L3MBTL4: variants seen among roughly 807,000 people sequenced by gnomAD.
L3MBTL4 encodes the protein L3MBTL histone methyl-lysine binding protein 4.
A neutral mutation model predicts 84.5 loss-of-function variants in L3MBTL4; 70 were observed. The ratio of observed to expected loss-of-function variants is 0.83; its 90% CI spans 0.68 to 1.01. L3MBTL4 has a LOEUF of 1.01. L3MBTL4 is among the 50% of genes least tolerant of loss of function. The pLI is 0.00. For missense variants in L3MBTL4, 715 were observed against 754.8 expected, an observed-to-expected ratio of 0.95 and a Z score of 0.62; for synonymous variants, 274 against 259.8, an observed-to-expected ratio of 1.05 and a Z score of -0.52.
At chr18:6,298,806 G>A (rs964028626) in intron 4 of L3MBTL4, among the ~76,000 whole-genome samples, 9 of 152,016 alleles carry the variant, frequency 5.9e-5, no homozygotes, top group South Asian at 2.1e-4. Flanking sequence ...CCCGGGAGGC[G>A]GAGGTTGCAG....
intron 16 of L3MBTL4, among the ~76,000 whole-genome samples, chr18:5,994,920 A>G (rs2145190458): frequency 6.6e-6 from 1 of 152,378 alleles, no homozygotes; most frequent in East Asian, 1.9e-4. Context: ...CAAATGTTCT[A>G]CAATTATTCA....
intron 13 of L3MBTL4, among the ~76,000 whole-genome samples, chr18:6,156,312 G>A (rs11873509): frequency 0.01 from 1,571 of 152,138 alleles, 25 homozygotes; most frequent in African/African-American, 0.037. Context: ...ATTTCCCATA[G>A]GACTTTGCAA....
intron 13 of L3MBTL4, among the ~76,000 whole-genome samples, chr18:6,165,942 C>T (rs565026669): frequency 1.0e-3 from 157 of 151,948 alleles, no homozygotes; most frequent in Non-Finnish European, 1.9e-3. Flanking sequence ...ACCCATCTCA[C>T]GTGCAGAGAC....
At chr18:6,139,358 C>T (rs1359794786) in intron 13 of L3MBTL4, among the ~76,000 whole-genome samples, 2 of 152,078 alleles carry the variant, frequency 1.3e-5, no homozygotes, top group African/African-American at 2.4e-5. Context: ...TACTGCATTG[C>T]AATGCACTGT....
intron 4 of L3MBTL4, among the ~76,000 whole-genome samples, chr18:6,270,220 A>T (rs1294003372): frequency 1.3e-5 from 2 of 152,232 alleles, no homozygotes; most frequent in Non-Finnish European, 2.9e-5. Flanking sequence ...CCACAGCTGC[A>T]GACTCACATT....
intron 14 of L3MBTL4, among the ~76,000 whole-genome samples, chr18:6,100,375 T>C (rs1254962460): frequency 6.6e-6 from 1 of 152,240 alleles, no homozygotes; most frequent in Non-Finnish European, 1.5e-5. Context: ...TCCATTTCTT[T>C]GGTAAGACTT....
At chr18:6,167,490 G>A (rs1284191606) in intron 13 of L3MBTL4, among the ~76,000 whole-genome samples, 1 of 152,014 alleles carries the variant, frequency 6.6e-6, no homozygotes, top group Non-Finnish European at 1.5e-5. Flanking sequence ...TGATCAAATG[G>A]GCTTCATCCC....
chr18:6,124,194 G>A (rs368054062), intron 14 of L3MBTL4, among the ~76,000 whole-genome samples: 16 of 152,190 alleles, frequency 1.1e-4, no homozygotes, highest in South Asian at 1.0e-3. Context: ...AATGATGAGA[G>A]AAAAGATGGA....
chr18:6,287,646 A>C (rs2049656783), intron 4 of L3MBTL4, among the ~76,000 whole-genome samples: 1 of 152,218 alleles, frequency 6.6e-6, no homozygotes, highest in Non-Finnish European at 1.5e-5. Flanking sequence ...CTTATCTTCA[A>C]GGACAAAGAG....
intron 15 of L3MBTL4, among the ~76,000 whole-genome samples, chr18:6,090,673 G>A (rs664639): frequency 6.8e-6 from 1 of 147,508 alleles, no homozygotes. Flanking sequence ...TGTCACCTAA[G>A]CTAGAATGCA....
At chr18:6,125,777 A>G (rs1285019285) in intron 14 of L3MBTL4, among the ~76,000 whole-genome samples, 1 of 152,230 alleles carries the variant, frequency 6.6e-6, no homozygotes, top group Non-Finnish European at 1.5e-5. Context: ...GCATACCTGA[A>G]TAAAATACCA....
intron 1 of L3MBTL4, chr18:6,396,872 A>T (rs946920516): frequency 2.6e-5 from 4 of 152,256 alleles, no homozygotes; most frequent in Non-Finnish European, 5.9e-5. Flanking sequence ...ACTGAGGCAC[A>T]TTACTAACTA....
intron 16 of L3MBTL4, among the ~76,000 whole-genome samples, chr18:5,977,011 C>G (rs935618795): frequency 6.6e-6 from 1 of 152,094 alleles, no homozygotes; most frequent in Non-Finnish European, 1.5e-5. Context: ...TTCAGGCATT[C>G]CTCTCCAACC....
intron 4 of L3MBTL4, among the ~76,000 whole-genome samples, chr18:6,289,162 T>C (rs1176446045): frequency 6.6e-6 from 1 of 152,126 alleles, no homozygotes; most frequent in African/African-American, 2.4e-5. Flanking sequence ...GATAAAGGTC[T>C]AAACAAGTTT....
At chr18:5,963,787 A>C (rs1598297219) in intron 17 of L3MBTL4, among the ~76,000 whole-genome samples, 1 of 152,258 alleles carries the variant, frequency 6.6e-6, no homozygotes, top group African/African-American at 2.4e-5. Flanking sequence ...TTAGCATAGA[A>C]TAGAGTAATA....
chr18:6,010,023 A>T (rs1028286264), intron 16 of L3MBTL4, among the ~76,000 whole-genome samples: 20 of 52,838 alleles, frequency 3.8e-4, no homozygotes, highest in African/African-American at 1.5e-3. Context: ...CTCCATCACC[A>T]GTCTTTTTTG....
rs201500748 is a variant in L3MBTL4 at position 6,216,367 on chromosome 18, A to T, written c.785-532T>A. 1.1e-4 allele frequency among the ~76,000 whole-genome samples: 16 copies of T among 152,236 alleles called. No homozygotes were observed. In the East Asian group the frequency reaches 2.9e-3, roughly 28 times the overall value. Reference sequence around the variant, plus strand: ...ACATGATATAAAGAACTCTATTTCAAATTTCCTTCTTGTTTCTCTTTATGT... The same window carrying T: ...ACATGATATAAAGAACTCTATTTCATATTTCCTTCTTGTTTCTCTTTATGT... On this transcript the variant is annotated intron_variant, in intron 10 of 18. Transcript: ENST00000317931.
At chr18:5,994,904 C>T (rs2053879931) in intron 16 of L3MBTL4, among the ~76,000 whole-genome samples, 1 of 152,216 alleles carries the variant, frequency 6.6e-6, no homozygotes, top group Non-Finnish European at 1.5e-5. Flanking sequence ...CATTTATATG[C>T]CTTTACAAAT....
chr18:5,993,838 C>T (rs1339102895), intron 16 of L3MBTL4, among the ~76,000 whole-genome samples: 3 of 151,970 alleles, frequency 2.0e-5, no homozygotes, highest in Non-Finnish European at 2.9e-5. Flanking sequence ...TCAAATGGCA[C>T]AGGAATGGAA....
Sources: gnomAD v4.1 joint callset for allele counts (sites outside exome capture counted in the v4.1 genomes callset) on GRCh38, gnomAD v4.1.1 for gene constraint, MANE v1.5 for transcripts, NCBI Gene and HGNC (gene_info 2026-07-23, HGNC 2026-07-21) for gene names.